TBC1D22A: variants seen among roughly 807,000 people sequenced by gnomAD.
The protein encoded by TBC1D22A is TBC1 domain family member 22A, also known as putative GTPase activator.
Under a neutral mutation model 60.2 loss-of-function variants are expected in TBC1D22A, and 38 were observed. The ratio of observed to expected loss-of-function variants is 0.63; its 90% CI spans 0.49 to 0.83. The LOEUF (loss-of-function observed/expected upper bound fraction) is 0.83, where lower values mean the gene tolerates loss of function less well. Among genes scored for constraint, TBC1D22A ranks in the 40% least tolerant of loss-of-function variants. TBC1D22A has a pLI of 0.00. For synonymous variants in TBC1D22A, 302 were observed against 281.7 expected (o/e 1.07, Z -0.72); for missense variants, 628 against 701.0 (o/e 0.90, Z 1.18).
chr22:46,872,203 T>A (rs1056960644), intron 4 of TBC1D22A, among the ~76,000 whole-genome samples: 14 of 152,196 alleles, frequency 9.2e-5, no homozygotes, highest in African/African-American at 3.4e-4. Context: ...GCTTTGTCGG[T>A]GAACTGTATC....
chr22:46,904,134 T>TCTGCCTACCTACCTACCTACCTAC (rs1422224513), intron 7 of TBC1D22A, among the ~76,000 whole-genome samples: 13 of 66,580 alleles, frequency 2.0e-4, no homozygotes, highest in African/African-American at 9.5e-4. Flanking sequence ...TATCTATCTA[T>TCTGCCTACCTACCTACCTACCTAC]CTATCTATCT....
intron 4 of TBC1D22A, among the ~76,000 whole-genome samples, chr22:46,801,486 T>C (rs2084893848): frequency 6.6e-6 from 1 of 152,244 alleles, no homozygotes. Context: ...AAGTAGCAAA[T>C]AGAACTTAAT....
At chr22:47,173,230 C>T (rs1049918224) in intron 12 of TBC1D22A, among the ~76,000 whole-genome samples, 7 of 152,138 alleles carry the variant, frequency 4.6e-5, no homozygotes, top group Non-Finnish European at 1.0e-4. Flanking sequence ...GGGCGGTGGC[C>T]GTGGGGCGAG....
intron 9 of TBC1D22A, 148 bp downstream of exon 9, chr22:46,974,547 C>T (rs2074214463): frequency 4.4e-6 from 3 of 685,710 alleles, no homozygotes; most frequent in Admixed American, 4.6e-5. Flanking sequence ...AGCACAGACC[C>T]CTCCGGGTTG....
chr22:47,099,931 C>G (rs2065343610), intron 11 of TBC1D22A, among the ~76,000 whole-genome samples: 1 of 152,194 alleles, frequency 6.6e-6, no homozygotes, highest in Admixed American at 6.5e-5. Flanking sequence ...TGGTGTTTGA[C>G]ACGGGCCCCA....
At chr22:46,927,312 C>T (rs778167050) in intron 8 of TBC1D22A, among the ~76,000 whole-genome samples, 2 of 152,202 alleles carry the variant, frequency 1.3e-5, no homozygotes, top group Admixed American at 6.5e-5. Flanking sequence ...GAAAGTCAAT[C>T]CGTGTAATAC....
rs371655307 is a variant in TBC1D22A, at chr22:46,897,042, A to G, written c.900+2196A>G. 1.5e-4 allele frequency among the ~76,000 whole-genome samples: 23 copies of G among 152,276 alleles called. No homozygotes were observed. The East Asian group carries it at 3.1e-3, about 20-fold the overall frequency. The stretch of plus-strand genomic sequence containing the variant: ...TTAAAAGTCATTTTTAATGCTTTTC[A>G]GTGAAGGTTTTGAATTTCCCCTATG... On this transcript the variant is annotated intron_variant, in intron 7 of 12. Coordinates refer to ENST00000337137, the MANE Select transcript of TBC1D22A (RefSeq NM_014346.5).
chr22:46,874,614 C>T (rs1184604296), intron 4 of TBC1D22A, among the ~76,000 whole-genome samples: 15 of 129,002 alleles, frequency 1.2e-4, no homozygotes, highest in Non-Finnish European at 2.0e-4. Context: ...TTACTCTGCA[C>T]CCAGGCTGGA....
intron 8 of TBC1D22A, among the ~76,000 whole-genome samples, chr22:46,960,813 G>C (rs796588576): frequency 1.2e-4 from 19 of 152,148 alleles, no homozygotes; most frequent in African/African-American, 4.6e-4. Flanking sequence ...CAGGCGTGGT[G>C]GCGGGTGCCT....
chr22:47,047,195 T>C (rs1205833468), intron 11 of TBC1D22A, among the ~76,000 whole-genome samples: 1 of 152,210 alleles, frequency 6.6e-6, no homozygotes, highest in Non-Finnish European at 1.5e-5. Flanking sequence ...GTAGCAATTC[T>C]GTGATATACC....
At chr22:46,934,375 G>A (rs566609489) in intron 8 of TBC1D22A, among the ~76,000 whole-genome samples, 3 of 152,318 alleles carry the variant, frequency 2.0e-5, no homozygotes, top group African/African-American at 7.2e-5. Flanking sequence ...TGTGGTACGC[G>A]TGGGCACGCA....
At chr22:47,140,540 TG>T (rs1453527893) in intron 12 of TBC1D22A, among the ~76,000 whole-genome samples, 1 of 139,912 alleles carries the variant, frequency 7.1e-6, no homozygotes, top group East Asian at 2.1e-4. Flanking sequence ...GGTGACAGAG[TG>T]AGACTCTGTC....
chr22:47,159,167 C>T (rs891703013), intron 12 of TBC1D22A, among the ~76,000 whole-genome samples: 7 of 150,792 alleles, frequency 4.6e-5, no homozygotes, highest in Admixed American at 6.6e-5. Context: ...ACCATGTGTG[C>T]GGATACTACA....
At chr22:47,067,609 A>G (rs943876221) in intron 11 of TBC1D22A, among the ~76,000 whole-genome samples, 3 of 152,200 alleles carry the variant, frequency 2.0e-5, no homozygotes, top group Non-Finnish European at 4.4e-5. Context: ...TGTCTGCCCC[A>G]GGCTGTCCTG....
chr22:46,919,877 G>T, intron 8 of TBC1D22A, among the ~76,000 whole-genome samples: 1 of 152,104 alleles, frequency 6.6e-6, no homozygotes. Context: ...TAAATTCCCC[G>T]GTGCTGCTGT....
intron 12 of TBC1D22A, among the ~76,000 whole-genome samples, chr22:47,145,210 G>C (rs13058583): frequency 0.019 from 2,948 of 152,336 alleles, 44 homozygotes; most frequent in Non-Finnish European, 0.03. Flanking sequence ...TCTGCCAAAG[G>C]TTGGCCCAGG....
chr22:47,148,000 C>G (rs1043388362), intron 12 of TBC1D22A, among the ~76,000 whole-genome samples: 4 of 152,190 alleles, frequency 2.6e-5, no homozygotes, highest in Admixed American at 2.6e-4. Context: ...CTCCTTCCTC[C>G]TAGGACAGTG....
At chr22:47,147,671 G>A (rs538607420) in intron 12 of TBC1D22A, among the ~76,000 whole-genome samples, 5 of 152,372 alleles carry the variant, frequency 3.3e-5, no homozygotes, top group African/African-American at 4.8e-5. Flanking sequence ...CAGTTCTGAT[G>A]TGGTGGGACA....
At chr22:46,858,325 C>A (rs1380514342) in intron 4 of TBC1D22A, among the ~76,000 whole-genome samples, 1 of 152,226 alleles carries the variant, frequency 6.6e-6, no homozygotes, top group Non-Finnish European at 1.5e-5. Flanking sequence ...GGTTACTCAT[C>A]TTTTTGTTAT....
Sources: allele counts gnomAD v4.1 joint callset (sites outside exome capture counted in the v4.1 genomes callset), GRCh38; gene constraint gnomAD v4.1.1; transcripts MANE v1.5; gene names NCBI Gene and HGNC (gene_info 2026-07-23, HGNC 2026-07-21).